Variants in CTNNBL1 observed in about 807,000 individuals in gnomAD.
CTNNBL1 encodes catenin beta like 1.
In CTNNBL1, 31 loss-of-function variants were observed where a neutral mutation model predicts 72.7. That is an observed-to-expected ratio of 0.43 (90% CI 0.32 to 0.58). CTNNBL1 has a LOEUF of 0.58. CTNNBL1 is among the 20% of genes least tolerant of loss of function. The pLI, the probability that CTNNBL1 is intolerant of heterozygous loss-of-function variation, is 0.08. For missense variants in CTNNBL1, 534 were observed against 725.1 expected, an observed-to-expected ratio of 0.74 and a Z score of 3.03; for synonymous variants, 240 against 267.3, an observed-to-expected ratio of 0.90 and a Z score of 1.00.
chr20:37,787,567 A>G (rs554278765), intron 10 of CTNNBL1, among the ~76,000 whole-genome samples: 1 of 152,120 alleles, frequency 6.6e-6, no homozygotes, highest in East Asian at 1.9e-4. Flanking sequence ...GATGGTCTCG[A>G]TCTCCTGACC....
chr20:37,840,307 T>C (rs1009550524), intron 12 of CTNNBL1, 108 bp downstream of exon 12: 3 of 790,718 alleles, frequency 3.8e-6, no homozygotes, highest in African/African-American at 1.7e-5. Flanking sequence ...TAAAATTCTC[T>C]TTTCTGGCAC....
intron 1 of CTNNBL1, among the ~76,000 whole-genome samples, chr20:37,725,469 T>TA (rs2073076211): frequency 6.6e-6 from 1 of 151,704 alleles, no homozygotes; most frequent in Admixed American, 6.6e-5. Context: ...GCTAATTTTT[T>TA]ATTTTTACTA....
intron 4 of CTNNBL1, among the ~76,000 whole-genome samples, chr20:37,752,554 C>CT (rs1357756082): frequency 6.8e-6 from 1 of 146,960 alleles, no homozygotes; most frequent in African/African-American, 2.6e-5. Flanking sequence ...CATCTTATTT[C>CT]TCTTTTTTTT....
Position 37,777,359 on chromosome 20 carries a change from T to C in CTNNBL1, c.765T>C (p.Phe255=), listed in dbSNP as rs76396395. ...TTTCCCCATAGGCAAAGATGCCTTT[T>C]GATGCCAACAAACTGTATTGCAGTG... ...LLKRLKAKMP[F]DANKLYCSEV... Residue 255 remains phenylalanine, a synonymous_variant, in exon 8 of 16, where the codon TTT becomes TTC. Coordinates refer to ENST00000361383, the MANE Select transcript of CTNNBL1 (RefSeq NM_030877.5). 8.1e-4 allele frequency: 1,309 copies of C among 1,613,868 alleles called. 12 individuals are homozygous for C. In the African/African-American group the frequency reaches 0.011, roughly 13 times the overall value.
At chr20:37,713,494 G>T (rs1600437880) in intron 1 of CTNNBL1, among the ~76,000 whole-genome samples, 1 of 152,188 alleles carries the variant, frequency 6.6e-6, no homozygotes, top group Admixed American at 6.5e-5. Context: ...GCTTCACCTT[G>T]TGTGAGGCAG....
chr20:37,810,147 C>T (rs1017371458), intron 11 of CTNNBL1, among the ~76,000 whole-genome samples: 1 of 152,056 alleles, frequency 6.6e-6, no homozygotes, highest in African/African-American at 2.4e-5. Flanking sequence ...GTTGCTATAA[C>T]AGAATACCTG....
At chr20:37,835,850 A>T (rs1322323923) in intron 11 of CTNNBL1, among the ~76,000 whole-genome samples, 1 of 152,208 alleles carries the variant, frequency 6.6e-6, no homozygotes, top group African/African-American at 2.4e-5. Flanking sequence ...GTGGGTGCCG[A>T]TATGGAAATA....
intron 1 of CTNNBL1, among the ~76,000 whole-genome samples, chr20:37,700,265 A>C (rs974770273): frequency 6.6e-6 from 1 of 152,208 alleles, no homozygotes; most frequent in Non-Finnish European, 1.5e-5. Flanking sequence ...TCATTTCCAA[A>C]ATTCAGAGAC....
intron 11 of CTNNBL1, among the ~76,000 whole-genome samples, chr20:37,808,949 G>A (rs532325669): frequency 6.6e-6 from 1 of 150,790 alleles, no homozygotes; most frequent in African/African-American, 2.4e-5. Context: ...TATTCCCCAC[G>A]TGTAATTGAT....
chr20:37,694,198 A>G (rs750139534), intron 1 of CTNNBL1, 46 bp downstream of exon 1: 1 of 1,534,950 alleles, frequency 6.5e-7, no homozygotes, highest in East Asian at 2.5e-5. Flanking sequence ...TCACCTGGGC[A>G]GGGGTCGCAG....
At chr20:37,793,352 A>G (rs1399509355) in intron 10 of CTNNBL1, among the ~76,000 whole-genome samples, 2 of 152,146 alleles carry the variant, frequency 1.3e-5, no homozygotes, top group Non-Finnish European at 2.9e-5. Flanking sequence ...TGTTTAATCG[A>G]CCCTTTTATT....
At chr20:37,732,458 A>G (rs2073137774) in intron 1 of CTNNBL1, among the ~76,000 whole-genome samples, 2 of 152,230 alleles carry the variant, frequency 1.3e-5, no homozygotes, top group African/African-American at 4.8e-5. Context: ...CAGTGTCCCC[A>G]TCTTAAGATA....
At chr20:37,773,909 C>CTTTTTTTTTTTTT (rs1176688817) in intron 7 of CTNNBL1, among the ~76,000 whole-genome samples, 3 of 104,646 alleles carry the variant, frequency 2.9e-5, no homozygotes, top group Non-Finnish European at 5.6e-5. Context: ...TTCTTTCTCT[C>CTTTTTTTTTTTTT]TTTTTTTTTT....
At chr20:37,805,124 C>T (rs542320778) in intron 11 of CTNNBL1, among the ~76,000 whole-genome samples, 11 of 152,360 alleles carry the variant, frequency 7.2e-5, no homozygotes, top group East Asian at 1.9e-4. Context: ...CAGAGCAGTG[C>T]GCACTGTGCA....
At chr20:37,859,466 T>C (rs1343338854) in intron 13 of CTNNBL1, among the ~76,000 whole-genome samples, 3 of 152,176 alleles carry the variant, frequency 2.0e-5, no homozygotes, top group Non-Finnish European at 4.4e-5. Context: ...CCTGTCACTC[T>C]TACCTCATCA....
intron 11 of CTNNBL1, among the ~76,000 whole-genome samples, chr20:37,829,987 A>G (rs1467773317): frequency 1.3e-5 from 2 of 152,050 alleles, no homozygotes; most frequent in Non-Finnish European, 2.9e-5. Context: ...GCGTACCACC[A>G]TGCCCAGCTA....
chr20:37,736,872 A>T (rs911504594), intron 2 of CTNNBL1, among the ~76,000 whole-genome samples: 2 of 152,054 alleles, frequency 1.3e-5, no homozygotes, highest in Non-Finnish European at 2.9e-5. Context: ...AATGTGATAT[A>T]CCCGAAAAGA....
intron 13 of CTNNBL1, among the ~76,000 whole-genome samples, chr20:37,843,271 T>C (rs4811199): frequency 0.82 from 124,155 of 152,148 alleles, 50,721 homozygotes; most frequent in Middle Eastern, 0.89. Context: ...CTTGTTTTGC[T>C]GCATCACTCC....
chr20:37,790,751 A>G (rs751672836), intron 10 of CTNNBL1, among the ~76,000 whole-genome samples: 1 of 152,248 alleles, frequency 6.6e-6, no homozygotes, highest in Non-Finnish European at 1.5e-5. Context: ...ATCAGACCTC[A>G]TAGCTATTCA....
Sources: gnomAD v4.1 joint callset for allele counts (sites outside exome capture counted in the v4.1 genomes callset) on GRCh38, gnomAD v4.1.1 for gene constraint, MANE v1.5 for transcripts, NCBI Gene and HGNC (gene_info 2026-07-23, HGNC 2026-07-21) for gene names.